Variants in IGFL2 observed in about 807,000 individuals in gnomAD.
IGFL2 encodes the protein IGF like family member 2.
Under a neutral mutation model 13.9 loss-of-function variants are expected in IGFL2, and 7 were observed. The ratio of observed to expected loss-of-function variants is 0.51; its 90% CI spans 0.29 to 0.95. The LOEUF (loss-of-function observed/expected upper bound fraction) is 0.95, where lower values mean the gene tolerates loss of function less well. Among genes scored for constraint, IGFL2 ranks in the 40% least tolerant of loss-of-function variants. The probability of loss-of-function intolerance (pLI) is 0.08; values close to 1 mark genes in which losing one functional copy is unlikely to be tolerated. For synonymous variants in IGFL2, 55 were observed against 55.8 expected, an observed-to-expected ratio of 0.99 and a Z score of 0.07; for missense variants, 138 against 147.8, an observed-to-expected ratio of 0.93 and a Z score of 0.34.
the IGFL2 span, among the ~76,000 whole-genome samples, chr19:46,121,981 G>A: frequency 6.6e-6 from 1 of 151,016 alleles, no homozygotes; most frequent in South Asian, 2.1e-4. Flanking sequence ...ACACAACATA[G>A]TATTTCAATG....
chr19:46,120,025 C>T, the IGFL2 span: 1 of 417,224 alleles, frequency 2.4e-6, no homozygotes, highest in Non-Finnish European at 4.4e-6. Flanking sequence ...GTATCCTGAG[C>T]TCCTGCTCAG....
chr19:46,191,181 A>C, the IGFL2 span, among the ~76,000 whole-genome samples: 4 of 152,156 alleles, frequency 2.6e-5, no homozygotes, highest in Non-Finnish European at 5.9e-5. Flanking sequence ...GAAAAATCAT[A>C]CTTCTAGTAT....
the IGFL2 span, among the ~76,000 whole-genome samples, chr19:46,175,108 G>T: frequency 5.3e-5 from 8 of 152,210 alleles, no homozygotes; most frequent in East Asian, 9.7e-4. Context: ...TCCTCCCAGA[G>T]AAGTAATATA....
chr19:46,149,186 CTT>C, intron 1 of IGFL2: 1 of 641,140 alleles, frequency 1.6e-6, no homozygotes, highest in South Asian at 1.8e-5. Context: ...TTCTCTCTCT[CTT>C]TCTCTCTCCC....
upstream of IGFL2, among the ~76,000 whole-genome samples, chr19:46,145,756 T>C (rs570432500): frequency 8.3e-4 from 127 of 152,254 alleles, 2 homozygotes; most frequent in Middle Eastern, 0.017. Flanking sequence ...TGAACAACTT[T>C]TCATGTGCTT....
At chr19:46,205,410 T>A in the IGFL2 span, among the ~76,000 whole-genome samples, 3 of 152,254 alleles carry the variant, frequency 2.0e-5, no homozygotes, top group South Asian at 6.2e-4. Context: ...GCAGATAACA[T>A]GGCATCCACC....
chr19:46,095,556 T>C, the IGFL2 span, among the ~76,000 whole-genome samples: 2 of 152,216 alleles, frequency 1.3e-5, no homozygotes, highest in Non-Finnish European at 2.9e-5. Flanking sequence ...CAATTTTGCT[T>C]TGGTTGCAAC....
the IGFL2 span, among the ~76,000 whole-genome samples, chr19:46,199,387 C>T: frequency 2.0e-3 from 298 of 152,302 alleles, 1 homozygote; most frequent in African/African-American, 6.4e-3. Flanking sequence ...GCTCCAGTGC[C>T]GAAGACAGAC....
the IGFL2 span, among the ~76,000 whole-genome samples, chr19:46,170,884 G>A: frequency 1.3e-4 from 20 of 152,238 alleles, no homozygotes; most frequent in Non-Finnish European, 2.1e-4. Context: ...TGTGCACGGC[G>A]GGACATGAAA....
At chr19:46,191,387 A>G in the IGFL2 span, among the ~76,000 whole-genome samples, 4 of 152,156 alleles carry the variant, frequency 2.6e-5, no homozygotes, top group South Asian at 8.3e-4. Flanking sequence ...TGAGGGTCAG[A>G]TTCAAGTTTG....
At chr19:46,102,111 A>G in the IGFL2 span, among the ~76,000 whole-genome samples, 1 of 152,214 alleles carries the variant, frequency 6.6e-6, no homozygotes, top group South Asian at 2.1e-4. Flanking sequence ...TGTCTTTAGC[A>G]TAAGTAAAAG....
the IGFL2 span, among the ~76,000 whole-genome samples, chr19:46,122,974 A>G: frequency 6.6e-6 from 1 of 150,906 alleles, no homozygotes; most frequent in South Asian, 2.1e-4. Flanking sequence ...CCAGGGTAAA[A>G]AAAATGACAT....
At chr19:46,175,627 CT>C in the IGFL2 span, among the ~76,000 whole-genome samples, 8 of 152,210 alleles carry the variant, frequency 5.3e-5, no homozygotes, top group African/African-American at 1.7e-4. Context: ...CAACCTCTGC[CT>C]CCCAGGTTCA....
At chr19:46,214,091 C>G in the IGFL2 span, 2 of 152,622 alleles carry the variant, frequency 1.3e-5, no homozygotes, top group African/African-American at 2.4e-5. Flanking sequence ...ATCCTGGCCT[C>G]CTACACCACT....
At chr19:46,124,301 C>CTGTT in the IGFL2 span, 2 of 1,610,590 alleles carry the variant, frequency 1.2e-6, no homozygotes, top group Non-Finnish European at 1.7e-6. Context: ...AGGAGGAAGA[C>CTGTT]TGTTATCCAG....
the IGFL2 span, among the ~76,000 whole-genome samples, chr19:46,170,132 T>C: frequency 2.7e-4 from 41 of 151,878 alleles, no homozygotes; most frequent in African/African-American, 9.7e-4. Context: ...CTAAATGACA[T>C]GTCCAGGGTA....
chr19:46,183,402 CCT>C, the IGFL2 span, among the ~76,000 whole-genome samples: 1 of 151,944 alleles, frequency 6.6e-6, no homozygotes, highest in African/African-American at 2.4e-5. Flanking sequence ...GCCTTCTCTC[CCT>C]CTCTCATTTC....
chr19:46,084,412 T>A, the IGFL2 span, among the ~76,000 whole-genome samples: 3 of 152,266 alleles, frequency 2.0e-5, no homozygotes, highest in Admixed American at 6.5e-5. Context: ...CTACTATTAC[T>A]GCATTGCTCT....
At chr19:46,095,324 C>T in the IGFL2 span, among the ~76,000 whole-genome samples, 53 of 152,148 alleles carry the variant, frequency 3.5e-4, no homozygotes, top group South Asian at 6.9e-3. Context: ...ACATAAATGT[C>T]TTCTTTTGAG....
Sources: gnomAD v4.1 joint callset for allele counts (sites outside exome capture counted in the v4.1 genomes callset) on GRCh38, gnomAD v4.1.1 for gene constraint, MANE v1.5 for transcripts, NCBI Gene and HGNC (gene_info 2026-07-23, HGNC 2026-07-21) for gene names.